Variants in KCNU1 observed in about 807,000 individuals in gnomAD.
KCNU1 encodes the protein potassium channel subfamily U member 1.
In KCNU1, 93 loss-of-function variants were observed where a neutral mutation model predicts 126.8. The observed-to-expected ratio is 0.73, with a 90% CI of 0.62 to 0.87. The LOEUF (loss-of-function observed/expected upper bound fraction) is 0.87, where lower values mean the gene tolerates loss of function less well. Ranked by LOEUF, KCNU1 falls within the 40% of genes least tolerant of loss-of-function variation. The pLI, the probability that KCNU1 is intolerant of heterozygous loss-of-function variation, is 0.00. For synonymous variants in KCNU1, 523 were observed against 494.2 expected, an observed-to-expected ratio of 1.06 and a Z score of -0.77; for missense variants, 1,330 against 1,367.1, an observed-to-expected ratio of 0.97 and a Z score of 0.43.
chr8:36,819,167 G>A (rs1028486084), intron 10 of KCNU1, among the ~76,000 whole-genome samples: 2 of 151,946 alleles, frequency 1.3e-5, no homozygotes, highest in Non-Finnish European at 2.9e-5. Flanking sequence ...TCCGATGCCT[G>A]CAAAAATTTA....
intron 19 of KCNU1, among the ~76,000 whole-genome samples, chr8:36,875,783 G>C (rs1345916048): frequency 6.6e-6 from 1 of 152,016 alleles, no homozygotes; most frequent in African/African-American, 2.4e-5. Flanking sequence ...CTGAAATATT[G>C]TTTGATTTTA....
At chr8:36,929,024 C>T in intron 24 of KCNU1, 1 of 699,132 alleles carries the variant, frequency 1.4e-6, no homozygotes, top group Non-Finnish European at 2.6e-6. Context: ...TTTACTTAAT[C>T]CTGCAAGCAA....
At chr8:36,825,295 A>T (rs1034381636) in intron 10 of KCNU1, among the ~76,000 whole-genome samples, 48 of 152,230 alleles carry the variant, frequency 3.2e-4, no homozygotes, top group African/African-American at 1.1e-3. Context: ...TTAAATGATG[A>T]TCCATTTGTC....
chr8:36,809,410 C>T (rs1055920820), intron 7 of KCNU1, among the ~76,000 whole-genome samples: 3 of 152,178 alleles, frequency 2.0e-5, no homozygotes, highest in Non-Finnish European at 4.4e-5. Flanking sequence ...TGTTAAAAGC[C>T]CGCAAAAGCC....
At chr8:36,918,314 G>A (rs192718828) in intron 22 of KCNU1, among the ~76,000 whole-genome samples, 1 of 152,160 alleles carries the variant, frequency 6.6e-6, no homozygotes, top group East Asian at 1.9e-4. Flanking sequence ...AGCAAAGAAA[G>A]GAGGATTACT....
At chr8:36,842,281 C>T (rs541525574) in intron 16 of KCNU1, among the ~76,000 whole-genome samples, 250 of 151,898 alleles carry the variant, frequency 1.6e-3, no homozygotes, top group African/African-American at 5.4e-3. Context: ...ATCAGGTGGG[C>T]GATAAAGGAA....
intron 1 of KCNU1, among the ~76,000 whole-genome samples, chr8:36,786,116 A>C (rs1309136168): frequency 9.2e-5 from 14 of 152,054 alleles, no homozygotes; most frequent in Admixed American, 9.2e-4. Flanking sequence ...CAAATGCAAA[A>C]AAAAAAAAAA....
chr8:36,844,827 A>G (rs144344554), intron 16 of KCNU1, among the ~76,000 whole-genome samples: 121 of 152,342 alleles, frequency 7.9e-4, no homozygotes, highest in African/African-American at 2.7e-3. Context: ...TAGGGTTTTG[A>G]GACCTCACCA....
chr8:36,827,249 C>T (rs1288593936), intron 10 of KCNU1, among the ~76,000 whole-genome samples: 2 of 152,320 alleles, frequency 1.3e-5, no homozygotes, highest in South Asian at 2.1e-4. Flanking sequence ...TCCCAGGTGA[C>T]AAACTCAGGA....
intron 10 of KCNU1, among the ~76,000 whole-genome samples, chr8:36,829,623 A>G (rs1804456402): frequency 6.6e-6 from 1 of 150,884 alleles, no homozygotes; most frequent in Admixed American, 6.6e-5. Context: ...TTTTATATAA[A>G]TTTTAAAATT....
rs549872124 is a variant in KCNU1 at position 36,833,738 on chromosome 8, A to T, written c.1212+79A>T. 3 of 806,360 alleles carry T rather than the reference A, an allele frequency of 3.7e-6. No homozygotes were observed. In the African/African-American group the frequency reaches 5.2e-5, roughly 14 times the overall value. The allele number at this position is 806,360 out of a possible 1,614,324, so 50.0% of individuals were successfully genotyped here. On this transcript the variant is annotated intron_variant, in intron 11 of 26. Coordinates refer to ENST00000399881, the MANE Select transcript of KCNU1 (RefSeq NM_001031836.3). Reference sequence around the variant, plus strand: ...AATAATAGGATATATTGCTTTTTAAAAAAGGTATTATTTCAGCTTCTTTAA... The same window carrying T: ...AATAATAGGATATATTGCTTTTTAATAAAGGTATTATTTCAGCTTCTTTAA...
At chr8:36,822,491 A>G (rs1804166714) in intron 10 of KCNU1, among the ~76,000 whole-genome samples, 2 of 152,188 alleles carry the variant, frequency 1.3e-5, no homozygotes, top group Non-Finnish European at 2.9e-5. Flanking sequence ...ATAACTTGTT[A>G]TTTAAGCTAC....
intron 2 of KCNU1, among the ~76,000 whole-genome samples, chr8:36,797,858 A>C (rs1467665238): frequency 1.3e-5 from 2 of 152,158 alleles, no homozygotes; most frequent in East Asian, 3.9e-4. Flanking sequence ...CCAGGTACTA[A>C]GCTATTGTCT....
intron 8 of KCNU1, 47 bp downstream of exon 8, chr8:36,814,424 A>T: frequency 7.4e-7 from 1 of 1,342,922 alleles, no homozygotes; most frequent in Non-Finnish European, 1.0e-6. Flanking sequence ...CATAAACCAG[A>T]AATATTTGGT....
At chr8:36,892,818 C>T (rs985126021) in intron 19 of KCNU1, among the ~76,000 whole-genome samples, 5 of 152,098 alleles carry the variant, frequency 3.3e-5, no homozygotes, top group African/African-American at 4.8e-5. Context: ...GTCTCAAGAT[C>T]AGCCAGAAGA....
At chr8:36,839,626 A>G (rs766885231) in intron 14 of KCNU1, among the ~76,000 whole-genome samples, 2 of 152,096 alleles carry the variant, frequency 1.3e-5, no homozygotes, top group Non-Finnish European at 2.9e-5. Context: ...TTTTTTTCCA[A>G]ACTGCATCAC....
At chr8:36,932,711 C>G (rs1808736665) in intron 25 of KCNU1, among the ~76,000 whole-genome samples, 1 of 152,022 alleles carries the variant, frequency 6.6e-6, no homozygotes, top group Non-Finnish European at 1.5e-5. Context: ...TTGAAAGAGC[C>G]AGAATGATAA....
chr8:36,816,157 A>G (rs999749779), intron 9 of KCNU1, among the ~76,000 whole-genome samples: 1 of 152,156 alleles, frequency 6.6e-6, no homozygotes, highest in African/African-American at 2.4e-5. Flanking sequence ...GGGCTCATTT[A>G]CGGATGAGGA....
intron 25 of KCNU1, among the ~76,000 whole-genome samples, chr8:36,931,913 A>C (rs966769440): frequency 5.3e-5 from 8 of 152,148 alleles, no homozygotes; most frequent in African/African-American, 1.9e-4. Context: ...TGGGAATCAG[A>C]GTAGGGTCTA....
Sources: allele counts gnomAD v4.1 joint callset (sites outside exome capture counted in the v4.1 genomes callset), GRCh38; gene constraint gnomAD v4.1.1; transcripts MANE v1.5; gene names NCBI Gene and HGNC (gene_info 2026-07-23, HGNC 2026-07-21).